DNER: variants seen among roughly 807,000 people sequenced by gnomAD.
DNER encodes delta/notch like EGF repeat containing.
DNER carries 33 observed loss-of-function variants against 78.2 expected under a neutral mutation model. That is an observed-to-expected ratio of 0.42 (90% CI 0.32 to 0.56). DNER has a LOEUF of 0.56. DNER is among the 20% of genes least tolerant of loss of function. The pLI is 0.11. For synonymous variants in DNER, 417 were observed against 384.8 expected, an observed-to-expected ratio of 1.08 and a Z score of -0.98; for missense variants, 918 against 975.3, an observed-to-expected ratio of 0.94 and a Z score of 0.78.
intron 4 of DNER, among the ~76,000 whole-genome samples, chr2:229,548,590 C>G (rs1345571614): frequency 2.0e-5 from 3 of 151,832 alleles, no homozygotes; most frequent in Non-Finnish European, 4.4e-5. Context: ...TGGGGCCTGT[C>G]AGGGGCGGGG....
intron 1 of DNER, among the ~76,000 whole-genome samples, chr2:229,682,853 G>GA (rs1301598998): frequency 2.7e-5 from 4 of 150,934 alleles, no homozygotes; most frequent in African/African-American, 4.9e-5. Context: ...GTCTCAAAGA[G>GA]AAAAAAAAGA....
chr2:229,388,120 C>T (rs908141210), intron 11 of DNER, 145 bp downstream of exon 11: 11 of 1,223,438 alleles, frequency 9.0e-6, no homozygotes, highest in Middle Eastern at 2.5e-4. Context: ...AGTGTAGCTC[C>T]GGTTGTCCCT....
At chr2:229,414,729 G>A (rs1467354819) in intron 9 of DNER, among the ~76,000 whole-genome samples, 1 of 152,188 alleles carries the variant, frequency 6.6e-6, no homozygotes, top group Non-Finnish European at 1.5e-5. Flanking sequence ...TCACACCCTT[G>A]TGTAATTCCC....
At chr2:229,577,453 G>A (rs899179414) in intron 4 of DNER, among the ~76,000 whole-genome samples, 15 of 152,114 alleles carry the variant, frequency 9.9e-5, no homozygotes, top group Non-Finnish European at 1.5e-4. Context: ...GAATATTTGA[G>A]GTCAGGACGC....
chr2:229,538,330 G>T (rs1229730205), intron 5 of DNER, among the ~76,000 whole-genome samples: 1 of 152,116 alleles, frequency 6.6e-6, no homozygotes, highest in Non-Finnish European at 1.5e-5. Context: ...AAGCTATTTA[G>T]TCAAAAGAAA....
intron 1 of DNER, among the ~76,000 whole-genome samples, chr2:229,618,499 C>A (rs1698203160): frequency 6.6e-6 from 1 of 152,166 alleles, no homozygotes; most frequent in Non-Finnish European, 1.5e-5. Flanking sequence ...AGGCCTATTT[C>A]CAAGGGCCTC....
chr2:229,371,797 AT>A (rs1692489388), intron 11 of DNER, among the ~76,000 whole-genome samples: 1 of 152,212 alleles, frequency 6.6e-6, no homozygotes, highest in Admixed American at 6.5e-5. Flanking sequence ...TTGCTTACCT[AT>A]GTTATTTTTA....
intron 1 of DNER, among the ~76,000 whole-genome samples, chr2:229,645,215 C>T (rs929274709): frequency 1.3e-5 from 2 of 152,136 alleles, no homozygotes; most frequent in Non-Finnish European, 2.9e-5. Flanking sequence ...CTATGTTGCT[C>T]AGGCTAGTCT....
intron 1 of DNER, among the ~76,000 whole-genome samples, chr2:229,711,538 C>T (rs910161669): frequency 1.3e-5 from 2 of 152,100 alleles, no homozygotes; most frequent in South Asian, 4.2e-4. Context: ...TAAAGACATC[C>T]TTTTTTAAAA....
chr2:229,697,182 A>T lies in DNER; in HGVS notation c.276+16966T>A, dbSNP rs564338045. 1.6e-3 allele frequency among the ~76,000 whole-genome samples: 251 copies of T among 152,372 alleles called. 1 individual carries two copies. The highest frequency in any genetic ancestry group is 7.9e-3 in the South Asian group (38 of 4,828). On this transcript the variant is annotated intron_variant, in intron 1 of 12. Coordinates refer to ENST00000341772, the MANE Select transcript of DNER (RefSeq NM_139072.4). ...TTCAGCCATAAAAAAGCAATGAAGT[A>T]TGGATAAATACTGCAACGTGGATGA...
In DNER at chr2:229,515,647, A is replaced by AT. The variant is rs752562029; in HGVS notation, c.994-2712dup. Among the ~76,000 whole-genome samples, 88 of 102,782 alleles carry AT rather than the reference A, an allele frequency of 8.6e-4. No individual in the cohort carries two copies. The South Asian group carries it at 0.012, about 14-fold the overall frequency. 67.4% of individuals were successfully genotyped at this position (102,782 alleles called of 152,430 possible). On this transcript the variant is annotated intron_variant, in intron 5 of 12. Coordinates refer to ENST00000341772, the MANE Select transcript of DNER (RefSeq NM_139072.4). ...ATCTTCAAGTTAGCTTTATTTTTTT[A>AT]TTTTTTTTTTTTTGAGACAGTCTCA...
At chr2:229,554,196 C>T (rs1453455421) in intron 4 of DNER, among the ~76,000 whole-genome samples, 1 of 152,192 alleles carries the variant, frequency 6.6e-6, no homozygotes, top group Non-Finnish European at 1.5e-5. Flanking sequence ...GACAGAATAT[C>T]TGCAAAGTCC....
intron 5 of DNER, among the ~76,000 whole-genome samples, chr2:229,525,470 T>C (rs1696190211): frequency 6.6e-6 from 1 of 152,206 alleles, no homozygotes; most frequent in Non-Finnish European, 1.5e-5. Flanking sequence ...AATCTAAATA[T>C]TGATATAGTC....
intron 6 of DNER, among the ~76,000 whole-genome samples, chr2:229,507,803 A>G (rs1175825672): frequency 6.6e-6 from 1 of 152,192 alleles, no homozygotes; most frequent in African/African-American, 2.4e-5. Flanking sequence ...TGTTTAGTGG[A>G]AAACAAGGTT....
intron 5 of DNER, among the ~76,000 whole-genome samples, chr2:229,527,923 G>A (rs1224127162): frequency 6.6e-6 from 1 of 152,152 alleles, no homozygotes. Flanking sequence ...TAGCTGAGTA[G>A]AGCTTCAAAG....
intron 6 of DNER, among the ~76,000 whole-genome samples, chr2:229,498,244 C>T (rs1261790078): frequency 1.3e-5 from 2 of 152,098 alleles, no homozygotes; most frequent in African/African-American, 4.8e-5. Flanking sequence ...ATGATAAAAA[C>T]TCTTAACAAA....
At chr2:229,498,243 A>T (rs1297079056) in intron 6 of DNER, among the ~76,000 whole-genome samples, 1 of 152,180 alleles carries the variant, frequency 6.6e-6, no homozygotes, top group Non-Finnish European at 1.5e-5. Context: ...CATGATAAAA[A>T]CTCTTAACAA....
intron 6 of DNER, among the ~76,000 whole-genome samples, chr2:229,489,200 C>T (rs1198686167): frequency 6.6e-6 from 1 of 152,152 alleles, no homozygotes; most frequent in Non-Finnish European, 1.5e-5. Context: ...GCATGGCCTG[C>T]GGGGAGGGTG....
chr2:229,584,340 G>T (rs1697457002), intron 4 of DNER, among the ~76,000 whole-genome samples: 1 of 152,180 alleles, frequency 6.6e-6, no homozygotes, highest in South Asian at 2.1e-4. Flanking sequence ...TTAACAGCAG[G>T]ATGCAAGAAG....
Sources: gnomAD v4.1 joint callset for allele counts (sites outside exome capture counted in the v4.1 genomes callset) on GRCh38, gnomAD v4.1.1 for gene constraint, MANE v1.5 for transcripts, NCBI Gene and HGNC (gene_info 2026-07-23, HGNC 2026-07-21) for gene names.